PCDH15: variants seen among roughly 807,000 people sequenced by gnomAD.
PCDH15 encodes protocadherin related 15, also known as protocadherin-15.
A neutral mutation model predicts 178.5 loss-of-function variants in PCDH15; 129 were observed. That is an observed-to-expected ratio of 0.72 (90% CI 0.63 to 0.84). The LOEUF (loss-of-function observed/expected upper bound fraction) is 0.84, where lower values mean the gene tolerates loss of function less well. Among genes scored for constraint, PCDH15 ranks in the 40% least tolerant of loss-of-function variants. The pLI is 0.00. For synonymous variants in PCDH15, 800 were observed against 732.0 expected (o/e 1.09, Z -1.50); for missense variants, 2,230 against 2,099.9 (o/e 1.06, Z -1.21).
At chr10:54,483,157 A>G (rs1167014005) in intron 3 of PCDH15, among the ~76,000 whole-genome samples, 1 of 151,874 alleles carries the variant, frequency 6.6e-6, no homozygotes, top group Non-Finnish European at 1.5e-5. Flanking sequence ...AATAATATGG[A>G]AATTATAATT....
chr10:55,237,516 TTAG>T (rs1456118562), intron 1 of PCDH15, among the ~76,000 whole-genome samples: 3 of 152,140 alleles, frequency 2.0e-5, no homozygotes, highest in Non-Finnish European at 4.4e-5. Flanking sequence ...ACTCATACTG[TTAG>T]TAGGAGAGAT....
At chr10:55,308,899 A>C (rs1843501139) in intron 1 of PCDH15, among the ~76,000 whole-genome samples, 1 of 152,168 alleles carries the variant, frequency 6.6e-6, no homozygotes, top group South Asian at 2.1e-4. Context: ...TTCAATTTGG[A>C]GGTCAGTTTG....
chr10:54,079,221 G>A, intron 17 of PCDH15, 110 bp downstream of exon 17: 1 of 1,040,600 alleles, frequency 9.6e-7, no homozygotes, highest in Non-Finnish European at 1.5e-6. Context: ...GTAATTATAA[G>A]AAGTTGCTCC....
At chr10:54,205,478 C>G (rs1046257751) in intron 10 of PCDH15, among the ~76,000 whole-genome samples, 22 of 38,990 alleles carry the variant, frequency 5.6e-4, no homozygotes, top group Non-Finnish European at 1.1e-3. Context: ...GGTTATATTT[C>G]CTTTGTGTGT....
intron 2 of PCDH15, among the ~76,000 whole-genome samples, chr10:55,377,227 T>C (rs1202296217): frequency 6.6e-6 from 1 of 151,454 alleles, no homozygotes; most frequent in Non-Finnish European, 1.5e-5. Context: ...AGGCAAACTA[T>C]TTTAAGTTAC....
rs2593114 is a variant in PCDH15 at position 53,928,278 on chromosome 10, T to C, written c.3373+10537A>G. ...AGAAGCTTTTTTTTTCTTCTTTCGATAGTCAACCAGTAAGATCAGCTACTT... is the reference window on the plus strand; with the variant it reads ...AGAAGCTTTTTTTTTCTTCTTTCGACAGTCAACCAGTAAGATCAGCTACTT... On this transcript the variant is annotated intron_variant, in intron 25 of 37. Coordinates refer to ENST00000644397, the MANE Select transcript of PCDH15 (RefSeq NM_001384140.1). Among the ~76,000 whole-genome samples the C allele has an allele frequency of 1.1e-4, 16 of 152,056 alleles. No individual in the cohort carries two copies. The East Asian group carries it at 2.7e-3, about 26-fold the overall frequency.
At chr10:54,662,268 A>C (rs1208485996) in intron 2 of PCDH15, among the ~76,000 whole-genome samples, 1 of 152,034 alleles carries the variant, frequency 6.6e-6, no homozygotes, top group East Asian at 1.9e-4. Context: ...CCAAAAGAAG[A>C]AATGGAAGTG....
chr10:54,309,422 T>C (rs2060762559), intron 8 of PCDH15, among the ~76,000 whole-genome samples: 1 of 151,954 alleles, frequency 6.6e-6, no homozygotes, highest in African/African-American at 2.4e-5. Flanking sequence ...GCCATGATTA[T>C]TCATATTTAT....
At chr10:54,172,320 C>T (rs1412685218) in intron 13 of PCDH15, among the ~76,000 whole-genome samples, 5 of 151,972 alleles carry the variant, frequency 3.3e-5, no homozygotes, top group East Asian at 1.9e-4. Context: ...GACTCCTGCC[C>T]GCCAGAGAAC....
chr10:55,284,002 TA>T (rs1479369087), intron 1 of PCDH15, among the ~76,000 whole-genome samples: 1 of 152,184 alleles, frequency 6.6e-6, no homozygotes, highest in Non-Finnish European at 1.5e-5. Flanking sequence ...AGTGCTTTAG[TA>T]TTAAACTCAA....
chr10:55,306,109 A>G (rs1843418726), intron 1 of PCDH15, among the ~76,000 whole-genome samples: 1 of 152,250 alleles, frequency 6.6e-6, no homozygotes, highest in Non-Finnish European at 1.5e-5. Flanking sequence ...TATCATTAAC[A>G]TTGTGAAAAT....
intron 1 of PCDH15, among the ~76,000 whole-genome samples, chr10:55,215,606 C>T (rs563170858): frequency 1.3e-5 from 2 of 152,052 alleles, no homozygotes; most frequent in South Asian, 4.1e-4. Flanking sequence ...TATTGCATCA[C>T]TTTTTTGCCT....
intron 25 of PCDH15, among the ~76,000 whole-genome samples, chr10:53,909,142 C>T (rs2082888376): frequency 6.6e-6 from 1 of 152,046 alleles, no homozygotes; most frequent in African/African-American, 2.4e-5. Context: ...AATGTGTTCT[C>T]ATGTAGTGAG....
intron 2 of PCDH15, among the ~76,000 whole-genome samples, chr10:54,622,505 C>A (rs563376462): frequency 3.6e-5 from 5 of 137,084 alleles, no homozygotes; most frequent in African/African-American, 1.4e-4. Flanking sequence ...ATTCTACAAA[C>A]CACTTTAAAT....
At chr10:53,823,080 A>G in intron 32 of PCDH15, 1 of 1,613,992 alleles carries the variant, frequency 6.2e-7, no homozygotes, top group South Asian at 1.1e-5. Context: ...AAATGGGTCT[A>G]CAAAATCTGT....
intron 2 of PCDH15, among the ~76,000 whole-genome samples, chr10:54,629,849 C>T (rs574088337): frequency 6.6e-6 from 1 of 152,218 alleles, no homozygotes; most frequent in Admixed American, 6.6e-5. Context: ...ACTGTAAAGA[C>T]TCTTTGAAAA....
chr10:53,968,738 C>G (rs988384419), intron 21 of PCDH15, among the ~76,000 whole-genome samples: 1 of 152,160 alleles, frequency 6.6e-6, no homozygotes, highest in Non-Finnish European at 1.5e-5. Flanking sequence ...CCCAGGCAAA[C>G]ACGGTCTGGA....
intron 2 of PCDH15, chr10:54,655,966 G>A (rs913019501): frequency 1.3e-5 from 2 of 152,168 alleles, no homozygotes; most frequent in Non-Finnish European, 2.9e-5. Flanking sequence ...TATATGGTAT[G>A]TAATCTAGAA....
At chr10:55,035,111 G>C in intron 2 of PCDH15, among the ~76,000 whole-genome samples, 1 of 151,960 alleles carries the variant, frequency 6.6e-6, no homozygotes, top group East Asian at 1.9e-4. Context: ...CTCCAACATA[G>C]GGAATCTTAA....
Sources: allele counts gnomAD v4.1 joint callset (sites outside exome capture counted in the v4.1 genomes callset), GRCh38; gene constraint gnomAD v4.1.1; transcripts MANE v1.5; gene names NCBI Gene and HGNC (gene_info 2026-07-23, HGNC 2026-07-21).